Variants in CFAP47 observed in about 807,000 individuals in gnomAD.
CFAP47 encodes cilia and flagella associated protein 47.
Under a neutral mutation model 148.1 loss-of-function variants are expected in CFAP47, and 29 were observed. The ratio of observed to expected loss-of-function variants is 0.20; its 90% CI spans 0.15 to 0.27. CFAP47 has a LOEUF of 0.27. Among genes scored for constraint, CFAP47 ranks in the 10% least tolerant of loss-of-function variants. The pLI is 1.00. For missense variants in CFAP47, 1,872 were observed against 1,697.5 expected (o/e 1.10, Z -1.81); for synonymous variants, 664 against 577.3 (o/e 1.15, Z -2.15).
chrX:35,923,973 GTATGTGTATA>G lies in CFAP47; in HGVS notation c.250-2038_250-2029del, dbSNP rs1428901319. On this transcript the variant is annotated intron_variant, in intron 1 of 63. Transcript: ENST00000378653. ...TGTATATATGTACATATATGTGTAT[GTATGTGTATA>G]TATGTACATATATGTGTATATGTGT... 5.5e-4 allele frequency among the ~76,000 whole-genome samples: 45 copies of G among 81,648 alleles called. 4 individuals carry two copies. The highest frequency in any genetic ancestry group is 3.2e-3 in the African/African-American group (45 of 13,858). The allele number at this position is 81,648 out of a possible 115,157, so 70.9% of individuals were successfully genotyped here.
At chrX:36,219,867 C>G (rs1439776533) in intron 45 of CFAP47, among the ~76,000 whole-genome samples, 1 of 111,332 alleles carries the variant, frequency 9.0e-6, no homozygotes, top group Admixed American at 9.5e-5. Context: ...CCAAGTTGTG[C>G]CCCGACCACC....
intron 33 of CFAP47, among the ~76,000 whole-genome samples, chrX:36,105,439 A>G: frequency 8.9e-6 from 1 of 112,097 alleles, no homozygotes; most frequent in Admixed American, 9.5e-5. Context: ...TTAATATCCA[A>G]TATGCAGAAT....
chrX:36,267,622 G>A (rs1940909350), intron 49 of CFAP47, among the ~76,000 whole-genome samples: 1 of 109,858 alleles, frequency 9.1e-6, no homozygotes, highest in African/African-American at 3.3e-5. Context: ...GGGACTACAG[G>A]CACCCGCCAC....
intron 48 of CFAP47, among the ~76,000 whole-genome samples, chrX:36,249,970 G>A (rs938716698): frequency 2.7e-5 from 3 of 111,206 alleles, no homozygotes; most frequent in African/African-American, 9.8e-5. Flanking sequence ...GTTGGTGGGA[G>A]TGTAAATTAG....
intron 49 of CFAP47, among the ~76,000 whole-genome samples, chrX:36,270,511 GT>G (rs782495225): frequency 0.012 from 1,189 of 100,963 alleles, 41 homozygotes; most frequent in Admixed American, 0.091. Flanking sequence ...CCCCCATTGG[GT>G]TTTTTTTATT....
At chrX:36,263,467 C>T (rs1368650315) in intron 49 of CFAP47, among the ~76,000 whole-genome samples, 1 of 111,960 alleles carries the variant, frequency 8.9e-6, no homozygotes, top group Admixed American at 9.4e-5. Flanking sequence ...CATTTTTATC[C>T]CTTGGAATAA....
chrX:36,202,231 A>C (rs782247847), intron 44 of CFAP47, among the ~76,000 whole-genome samples: 1 of 111,703 alleles, frequency 9.0e-6, no homozygotes, highest in South Asian at 3.8e-4. Flanking sequence ...GATTGGAATT[A>C]GGTACAATCT....
At chrX:35,974,326 T>G (rs1201888595) in intron 13 of CFAP47, among the ~76,000 whole-genome samples, 1 of 111,784 alleles carries the variant, frequency 8.9e-6, no homozygotes, top group Non-Finnish European at 1.9e-5. Context: ...CTTCTAGGTC[T>G]GTTTTCACCA....
At chrX:36,068,570 G>A (rs1304944746) in intron 27 of CFAP47, among the ~76,000 whole-genome samples, 1 of 112,003 alleles carries the variant, frequency 8.9e-6, no homozygotes, top group East Asian at 2.8e-4. Context: ...TTATTTTAAA[G>A]CAATTTATGG....
At chrX:36,206,472 T>C (rs1940039956) in intron 45 of CFAP47, among the ~76,000 whole-genome samples, 2 of 111,843 alleles carry the variant, frequency 1.8e-5, no homozygotes, top group African/African-American at 6.5e-5. Flanking sequence ...ATTCTTTCCT[T>C]TGGTGGACTC....
At chrX:35,949,816 C>T (rs1159451007) in intron 4 of CFAP47, among the ~76,000 whole-genome samples, 3 of 111,521 alleles carry the variant, frequency 2.7e-5, no homozygotes, top group Non-Finnish European at 5.6e-5. Context: ...ATCTGAAATC[C>T]GACATGCTCT....
rs1939503730 is a variant in CFAP47 at position 36,167,300 on chromosome X, C to T, written c.6026+6531C>T. Among the ~76,000 whole-genome samples, 3 of 111,763 alleles carry T rather than the reference C, an allele frequency of 2.7e-5. No homozygotes were observed. The Admixed American group carries it at 2.9e-4, about 11-fold the overall frequency. ...GAGCTATTCATTTTAAAGCCCGCTTCTCTCCTCAGGGAAAATATCTGATCC... is the reference window on the plus strand; with the variant it reads ...GAGCTATTCATTTTAAAGCCCGCTTTTCTCCTCAGGGAAAATATCTGATCC... On this transcript the variant is annotated intron_variant, in intron 39 of 63. Coordinates refer to ENST00000378653, the MANE Select transcript of CFAP47 (RefSeq NM_001304548.2).
At chrX:36,375,090 T>C in intron 62 of CFAP47, 1 of 398,734 alleles carries the variant, frequency 2.5e-6, no homozygotes, top group Non-Finnish European at 4.6e-6. Context: ...GATGATGACT[T>C]TGGAGCATGA....
intron 57 of CFAP47, among the ~76,000 whole-genome samples, chrX:36,342,974 C>A (rs989291827): frequency 1.6e-4 from 18 of 110,756 alleles, no homozygotes; most frequent in African/African-American, 5.9e-4. Flanking sequence ...TCCCCCACCC[C>A]CTGACAGGCC....
At chrX:36,144,652 G>A (rs760665994) in intron 35 of CFAP47, 5 of 1,026,289 alleles carry the variant, frequency 4.9e-6, no homozygotes, top group Non-Finnish European at 6.4e-6. Context: ...GTTACCATCC[G>A]ATTGGCTGTG....
intron 22 of CFAP47, among the ~76,000 whole-genome samples, chrX:36,016,576 T>C (rs183604169): frequency 5.7e-4 from 63 of 111,319 alleles, no homozygotes; most frequent in African/African-American, 1.9e-3. Flanking sequence ...CTTAGGATGC[T>C]TTCTAATTTG....
At chrX:36,364,659 G>A (rs1476021955) in intron 61 of CFAP47, among the ~76,000 whole-genome samples, 1 of 108,537 alleles carries the variant, frequency 9.2e-6, no homozygotes, top group Admixed American at 1.0e-4. Flanking sequence ...ACAATGAATA[G>A]TAAGAAAGCC....
At chrX:36,356,826 T>A (rs1223500889) in intron 60 of CFAP47, among the ~76,000 whole-genome samples, 1 of 111,917 alleles carries the variant, frequency 8.9e-6, no homozygotes, top group African/African-American at 3.2e-5. Flanking sequence ...TTAAGAGTGA[T>A]AATTAATCAC....
intron 45 of CFAP47, among the ~76,000 whole-genome samples, chrX:36,223,309 A>T (rs1488135554): frequency 9.0e-6 from 1 of 111,159 alleles, no homozygotes; most frequent in Non-Finnish European, 1.9e-5. Context: ...TGACTTATAC[A>T]ATAGAAAAAA....
Sources: allele counts gnomAD v4.1 joint callset (sites outside exome capture counted in the v4.1 genomes callset), GRCh38; gene constraint gnomAD v4.1.1; transcripts MANE v1.5; gene names NCBI Gene and HGNC (gene_info 2026-07-23, HGNC 2026-07-21).